Variants in ORC5 observed in about 807,000 individuals in gnomAD.
ORC5 encodes the protein protein phosphatase 1, regulatory subunit 117.
ORC5 carries 39 observed loss-of-function variants against 58.8 expected under a neutral mutation model. The ratio of observed to expected loss-of-function variants is 0.66; its 90% CI spans 0.51 to 0.87. The LOEUF (loss-of-function observed/expected upper bound fraction) is 0.87, where lower values mean the gene tolerates loss of function less well. ORC5 is among the 40% of genes least tolerant of loss of function. The pLI is 0.00. For missense variants in ORC5, 493 were observed against 506.3 expected (o/e 0.97, Z 0.25); for synonymous variants, 218 against 177.6 (o/e 1.23, Z -1.81).
At chr7:104,204,881 C>G (rs1395387093) in intron 1 of ORC5, among the ~76,000 whole-genome samples, 1 of 152,094 alleles carries the variant, frequency 6.6e-6, no homozygotes, top group Admixed American at 6.6e-5. Context: ...TAAATATTGT[C>G]AAAGGTCTCT....
intron 12 of ORC5, among the ~76,000 whole-genome samples, chr7:104,154,789 G>A (rs183530846): frequency 2.6e-5 from 4 of 151,676 alleles, no homozygotes; most frequent in South Asian, 2.1e-4. Flanking sequence ...AATTAACAAC[G>A]TCTCCTCTTT....
rs544101236 is a variant in ORC5 at position 104,168,976 on chromosome 7, G to A, written c.825-451C>T. Reference sequence around the variant, plus strand: ...GCATGCCTATACTCCCAGCTACTTGGGTGGCTGAGGCACGAGAATCACTTG... The same window carrying A: ...GCATGCCTATACTCCCAGCTACTTGAGTGGCTGAGGCACGAGAATCACTTG... On this transcript the variant is annotated intron_variant, in intron 8 of 13. Transcript: ENST00000297431. Among the ~76,000 whole-genome samples, 4 of 152,214 alleles carry A rather than the reference G, an allele frequency of 2.6e-5. No individual in the cohort carries two copies. The East Asian group carries it at 7.7e-4, about 29-fold the overall frequency.
rs367846897 is a variant in ORC5, at chr7:104,161,075, G to A, written c.1146C>T (p.Ser382=). 10 of 1,497,856 alleles carry A rather than the reference G, an allele frequency of 6.7e-6. No homozygotes were observed. The African/African-American group carries it at 1.4e-4, about 21-fold the overall frequency. The allele number at this position is 1,497,856 out of a possible 1,614,324, so 92.8% of individuals were successfully genotyped here. ...AATAATCTATGATTAAGCTTACCTG[G>A]GAAAAAATATTTGCTGTTGGAGCAA... The part of the protein sequence containing the change: ...SRVAPTANIF[S]QITSLVTLQL... Residue 382 remains serine (S), a synonymous_variant, in exon 12 of 14, where the codon TCC becomes TCT. Transcript: ENST00000297431.
intron 5 of ORC5, 24 bp from the exon 6 acceptor site, chr7:104,188,405 T>C: frequency 1.9e-6 from 3 of 1,593,184 alleles, no homozygotes; most frequent in Non-Finnish European, 1.7e-6. Flanking sequence ...ACAAAATAAC[T>C]TATAATGATT....
At position 104,184,140 on chromosome 7, in the gene ORC5, G is replaced by A. The variant is rs1349832032; in HGVS notation, c.716C>T (p.Pro239Leu). 1 of 1,584,376 alleles carries A rather than the reference G, an allele frequency of 6.3e-7. No homozygotes were observed. The highest frequency in any genetic ancestry group is 1.4e-5 in the African/African-American group (1 of 73,174). Residue 239 changes from proline to leucine, a missense_variant, in exon 7 of 14, where the codon CCC (proline) becomes CTC (leucine). Pro to Leu is a moderately conservative substitution (Grantham distance 98). This residue lies in a region of ORC5 where 412 missense variants were observed against 403.7 expected (regional missense o/e 1.02). Coordinates refer to ENST00000297431, the MANE Select transcript of ORC5 (RefSeq NM_002553.4). ...AVLNFPKYCEPVVKGEASERD... is the reference protein window; with the variant it reads ...AVLNFPKYCELVVKGEASERD... ...ACAGTTACCTTCTCCTTTAACCACGGGTTCACAATATTTAGGAAAATTAAG... is the reference window on the plus strand; with the variant it reads ...ACAGTTACCTTCTCCTTTAACCACGAGTTCACAATATTTAGGAAAATTAAG...
intron 12 of ORC5, among the ~76,000 whole-genome samples, chr7:104,158,437 C>T (rs1350965912): frequency 6.6e-6 from 1 of 152,070 alleles, no homozygotes; most frequent in East Asian, 1.9e-4. Flanking sequence ...ATGTCTAAAA[C>T]ACCAAAAGCA....
chr7:104,203,940 G>A (rs1439664798), intron 2 of ORC5, among the ~76,000 whole-genome samples: 1 of 152,170 alleles, frequency 6.6e-6, no homozygotes, highest in African/African-American at 2.4e-5. Flanking sequence ...CTAAATGAGG[G>A]AAGATGAGGA....
At chr7:104,199,037 T>C (rs2116076975) in intron 3 of ORC5, among the ~76,000 whole-genome samples, 1 of 152,332 alleles carries the variant, frequency 6.6e-6, no homozygotes. Context: ...TTTGGGAACC[T>C]CTGCCTAGAT....
In ORC5 at chr7:104,128,074, A is replaced by G. The variant is rs527932806; in HGVS notation, c.1263-1181T>C. On this transcript the variant is annotated intron_variant, in intron 13 of 13. Coordinates refer to ENST00000297431, the MANE Select transcript of ORC5 (RefSeq NM_002553.4). Reference sequence around the variant, plus strand: ...ATTTTATATGTTTTTCTTTCGTTCAACTCTAGAAACACCCAAATTTATGGG... The same window carrying G: ...ATTTTATATGTTTTTCTTTCGTTCAGCTCTAGAAACACCCAAATTTATGGG... Among the ~76,000 whole-genome samples the G allele has an allele frequency of 1.6e-4, 24 of 152,316 alleles. 1 individual carries two copies. The East Asian group carries it at 4.6e-3, about 29-fold the overall frequency.
intron 6 of ORC5, among the ~76,000 whole-genome samples, chr7:104,186,222 T>C (rs905337932): frequency 1.3e-5 from 2 of 151,542 alleles, no homozygotes; most frequent in East Asian, 1.9e-4. Flanking sequence ...TTTTTTTTTT[T>C]CCAACCAAAC....
At chr7:104,158,901 A>C (rs1417819944) in intron 12 of ORC5, among the ~76,000 whole-genome samples, 4 of 151,534 alleles carry the variant, frequency 2.6e-5, no homozygotes, top group Middle Eastern at 3.4e-3. Flanking sequence ...TAGTTCAACC[A>C]ATGTGGAAGT....
At chr7:104,149,419 G>A (rs995952603) in intron 12 of ORC5, among the ~76,000 whole-genome samples, 8 of 152,054 alleles carry the variant, frequency 5.3e-5, no homozygotes, top group African/African-American at 9.7e-5. Context: ...TTTCTTGTCC[G>A]TTTTGTCAAG....
chr7:104,201,112 C>T (rs1406823261), intron 2 of ORC5, among the ~76,000 whole-genome samples, 154 bp from the exon 3 acceptor site: 1 of 152,198 alleles, frequency 6.6e-6, no homozygotes, highest in African/African-American at 2.4e-5. Flanking sequence ...ATTACATCAC[C>T]TGGACTCTCT....
At chr7:104,202,079 G>C (rs1799958862) in intron 2 of ORC5, among the ~76,000 whole-genome samples, 1 of 149,856 alleles carries the variant, frequency 6.7e-6, no homozygotes, top group Non-Finnish European at 1.5e-5. Context: ...AATAGAGCAA[G>C]ACCCCATTTA....
intron 12 of ORC5, among the ~76,000 whole-genome samples, chr7:104,142,696 T>C (rs1311278643): frequency 2.6e-5 from 4 of 152,080 alleles, no homozygotes; most frequent in African/African-American, 4.8e-5. Flanking sequence ...AAACGAACAA[T>C]GATGAAAATA....
intron 8 of ORC5, among the ~76,000 whole-genome samples, chr7:104,174,837 G>A (rs1178731781): frequency 6.6e-6 from 1 of 152,122 alleles, no homozygotes; most frequent in Non-Finnish European, 1.5e-5. Context: ...CCTCCAGTGA[G>A]CATGTGTACA....
chr7:104,205,363 C>T (rs1800053398), intron 1 of ORC5, among the ~76,000 whole-genome samples: 1 of 152,060 alleles, frequency 6.6e-6, no homozygotes, highest in South Asian at 2.1e-4. Flanking sequence ...GCTGGGATTA[C>T]AGGTGTGAGC....
intron 8 of ORC5, among the ~76,000 whole-genome samples, chr7:104,181,111 C>G (rs968056093): frequency 6.6e-6 from 1 of 152,062 alleles, no homozygotes; most frequent in Admixed American, 6.5e-5. Context: ...CAAGATCAAA[C>G]AGAACAAAAA....
intron 12 of ORC5, among the ~76,000 whole-genome samples, chr7:104,143,929 G>A (rs1374963467): frequency 6.6e-6 from 1 of 152,024 alleles, no homozygotes; most frequent in Non-Finnish European, 1.5e-5. Flanking sequence ...GATCAGCCTG[G>A]CCAACATGGT....
Sources: gnomAD v4.1 joint callset for allele counts (sites outside exome capture counted in the v4.1 genomes callset) on GRCh38, gnomAD v4.1.1 for gene constraint, gnomAD v4.1.1 regional missense constraint, MANE v1.5 for transcripts, NCBI Gene and HGNC (gene_info 2026-07-23, HGNC 2026-07-21) for gene names.